The following FOXN3 variants were observed in gnomAD, a reference collection of about 807,000 sequenced individuals.
FOXN3 encodes forkhead box N3, also known as forkhead box protein N3.
In FOXN3, 7 loss-of-function variants were observed where a neutral mutation model predicts 38.4. The ratio of observed to expected loss-of-function variants is 0.18; its 90% CI spans 0.10 to 0.34. FOXN3 has a LOEUF of 0.34. Among genes scored for constraint, FOXN3 ranks in the 10% least tolerant of loss-of-function variants. The pLI, the probability that FOXN3 is intolerant of heterozygous loss-of-function variation, is 1.00. For missense variants in FOXN3, 456 were observed against 613.4 expected (o/e 0.74, Z 2.71); for synonymous variants, 230 against 242.2 (o/e 0.95, Z 0.47).
intron 1 of FOXN3, among the ~76,000 whole-genome samples, chr14:89,587,865 CAG>C (rs1449232979): frequency 2.4e-5 from 1 of 42,092 alleles, no homozygotes; most frequent in African/African-American, 1.0e-4. Context: ...GACTCTGTCT[CAG>C]AAAAAAAAAA....
chr14:89,248,774 A>C (rs1396668123), intron 4 of FOXN3, among the ~76,000 whole-genome samples: 1 of 152,244 alleles, frequency 6.6e-6, no homozygotes, highest in Non-Finnish European at 1.5e-5. Context: ...AACTTCAATT[A>C]AGTAAATCTC....
chr14:89,304,058 G>A (rs74854901), intron 3 of FOXN3, among the ~76,000 whole-genome samples: 76 of 152,270 alleles, frequency 5.0e-4, no homozygotes, highest in South Asian at 8.3e-4. Flanking sequence ...GCTTCTTGCC[G>A]GTGATCACTC....
chr14:89,345,608 T>TA (rs1415487489), intron 3 of FOXN3, among the ~76,000 whole-genome samples: 1 of 152,170 alleles, frequency 6.6e-6, no homozygotes, highest in African/African-American at 2.4e-5. Flanking sequence ...CTTTTATCCT[T>TA]AATCCCCCTC....
At chr14:89,409,931 G>C (rs563913776) in intron 2 of FOXN3, among the ~76,000 whole-genome samples, 1 of 152,272 alleles carries the variant, frequency 6.6e-6, no homozygotes, top group East Asian at 1.9e-4. Context: ...GGCATACTTT[G>C]ATGGTTACAG....
At chr14:89,606,214 C>T (rs965083462) in intron 1 of FOXN3, among the ~76,000 whole-genome samples, 4 of 152,170 alleles carry the variant, frequency 2.6e-5, no homozygotes, top group Non-Finnish European at 5.9e-5. Flanking sequence ...AGCAATAAAA[C>T]ACCAGATTAG....
rs1211372705 is a variant in FOXN3 at position 89,511,142 on chromosome 14, T to G, written c.-14-98652A>C. On this transcript the variant is annotated intron_variant, in intron 1 of 6. Transcript: ENST00000345097. ...TTGGTGTCTTTCTTTCTTTCTTTCTTTTCTTTCTTTCTTTCTTTCTTTCTT... is the reference window on the plus strand; with the variant it reads ...TTGGTGTCTTTCTTTCTTTCTTTCTGTTCTTTCTTTCTTTCTTTCTTTCTT... 8.9e-4 allele frequency among the ~76,000 whole-genome samples: 3 copies of G among 3,368 alleles called. 1 individual carries two copies. In the Admixed American group the frequency reaches 0.014, roughly 15 times the overall value. The allele number at this position is 3,368 out of a possible 152,430, so 2.2% of individuals were successfully genotyped here.
intron 1 of FOXN3, among the ~76,000 whole-genome samples, chr14:89,604,876 G>C (rs950965691): frequency 4.6e-5 from 7 of 152,192 alleles, no homozygotes; most frequent in African/African-American, 1.7e-4. Flanking sequence ...GAAAACAATT[G>C]AGCATCTTTA....
At chr14:89,513,460 G>A (rs1228985856) in intron 1 of FOXN3, among the ~76,000 whole-genome samples, 8 of 151,738 alleles carry the variant, frequency 5.3e-5, no homozygotes, top group Non-Finnish European at 1.2e-4. Flanking sequence ...GGCTGGTCTC[G>A]AACTCCTGAG....
At chr14:89,365,659 C>T (rs761051946) in intron 2 of FOXN3, among the ~76,000 whole-genome samples, 2 of 152,144 alleles carry the variant, frequency 1.3e-5, no homozygotes, top group Non-Finnish European at 2.9e-5. Flanking sequence ...ATGACATAGG[C>T]TGACTAAAAA....
chr14:89,328,806 C>T (rs539978670), intron 3 of FOXN3, among the ~76,000 whole-genome samples: 25 of 152,280 alleles, frequency 1.6e-4, no homozygotes, highest in Non-Finnish European at 2.4e-4. Context: ...ACTGACACCA[C>T]GACAAGGGTA....
chr14:89,537,772 AC>A (rs1456214269), intron 1 of FOXN3, among the ~76,000 whole-genome samples: 1 of 152,250 alleles, frequency 6.6e-6, no homozygotes, highest in African/African-American at 2.4e-5. Flanking sequence ...CAAACAAACA[AC>A]AAAACTGTGT....
At chr14:89,258,096 G>A (rs1885683134) in intron 4 of FOXN3, among the ~76,000 whole-genome samples, 1 of 152,114 alleles carries the variant, frequency 6.6e-6, no homozygotes, top group Non-Finnish European at 1.5e-5. Flanking sequence ...CTAGAGCCAT[G>A]ACAAATGCAT....
intron 1 of FOXN3, among the ~76,000 whole-genome samples, chr14:89,429,968 C>T (rs910505309): frequency 6.6e-6 from 1 of 152,172 alleles, no homozygotes; most frequent in Admixed American, 6.5e-5. Flanking sequence ...TTGTCACATT[C>T]GTTCTTCTGT....
chr14:89,539,592 G>A (rs575793365), intron 1 of FOXN3, among the ~76,000 whole-genome samples: 1 of 152,314 alleles, frequency 6.6e-6, no homozygotes, highest in Non-Finnish European at 1.5e-5. Context: ...TACATTGTGT[G>A]ACTTGACTTA....
chr14:89,562,113 G>A (rs1347023157), intron 1 of FOXN3, among the ~76,000 whole-genome samples: 2 of 152,118 alleles, frequency 1.3e-5, no homozygotes, highest in Non-Finnish European at 2.9e-5. Context: ...CAACAATTTT[G>A]CTAATATCAA....
chr14:89,406,105 C>T lies in FOXN3; in HGVS notation c.543+5829G>A, dbSNP rs538829635. The stretch of plus-strand genomic sequence containing the variant: ...GGGACTACAGGTGCGTGCCACAATG[C>T]CCAGCTAATTTTTTTATCTTTTGCA... On this transcript the variant is annotated intron_variant, in intron 2 of 5. Transcript: ENST00000557258. Among the ~76,000 whole-genome samples the T allele has an allele frequency of 3.3e-5, 5 of 152,270 alleles. No individual in the cohort carries two copies. The East Asian group carries it at 9.6e-4, about 29-fold the overall frequency.
intron 4 of FOXN3, among the ~76,000 whole-genome samples, chr14:89,201,821 C>A (rs552257767): frequency 1.3e-5 from 2 of 152,250 alleles, no homozygotes; most frequent in East Asian, 3.8e-4. Flanking sequence ...AAGCCACTTC[C>A]TCCTCTAGTA....
intron 1 of FOXN3, among the ~76,000 whole-genome samples, chr14:89,538,915 C>T (rs1894742433): frequency 6.6e-6 from 1 of 152,118 alleles, no homozygotes; most frequent in African/African-American, 2.4e-5. Flanking sequence ...GCGATCTCCG[C>T]TCACTGCAAC....
intron 2 of FOXN3, among the ~76,000 whole-genome samples, chr14:89,382,665 G>A (rs763229966): frequency 3.3e-5 from 5 of 152,212 alleles, no homozygotes; most frequent in Non-Finnish European, 5.9e-5. Flanking sequence ...TGTGTCACCT[G>A]TGATCGGTTA....
Sources: gnomAD v4.1 joint callset for allele counts (sites outside exome capture counted in the v4.1 genomes callset) on GRCh38, gnomAD v4.1.1 for gene constraint, MANE v1.5 for transcripts, NCBI Gene and HGNC (gene_info 2026-07-23, HGNC 2026-07-21) for gene names.